IKZF5: variants seen among roughly 807,000 people sequenced by gnomAD.
The protein encoded by IKZF5 is zinc finger protein Pegasus.
IKZF5 carries 4 observed loss-of-function variants against 30.7 expected under a neutral mutation model. That is an observed-to-expected ratio of 0.13 (90% CI 0.06 to 0.30). The LOEUF is 0.30. IKZF5 is among the 10% of genes least tolerant of loss of function. The pLI is 1.00. For synonymous variants in IKZF5, 148 were observed against 179.6 expected, an observed-to-expected ratio of 0.82 and a Z score of 1.41; for missense variants, 348 against 525.5, an observed-to-expected ratio of 0.66 and a Z score of 3.30.
At chr10:123,002,783 G>A (rs796781331) in intron 2 of IKZF5, among the ~76,000 whole-genome samples, 47 of 127,858 alleles carry the variant, frequency 3.7e-4, no homozygotes, top group Non-Finnish European at 3.1e-4. Flanking sequence ...GCAAGACTCC[G>A]TCTAAAAAAA....
intron 3 of IKZF5, among the ~76,000 whole-genome samples, chr10:122,997,761 A>G (rs969818635): frequency 2.6e-5 from 4 of 152,254 alleles, no homozygotes; most frequent in Non-Finnish European, 5.9e-5. Context: ...AAATATGTAA[A>G]CAAATGAGCA....
chr10:123,000,082 G>A (rs913742807), intron 2 of IKZF5, among the ~76,000 whole-genome samples: 2 of 152,130 alleles, frequency 1.3e-5, no homozygotes, highest in Non-Finnish European at 2.9e-5. Flanking sequence ...TTGAAGTCTT[G>A]TACATATATA....
In IKZF5 at chr10:122,992,409, A is replaced by T. The variant is rs763091641; in HGVS notation, c.*1371T>A. On this transcript the variant is annotated 3_prime_UTR_variant, in exon 5 of 5. Transcript: ENST00000368886. Reference sequence around the variant, plus strand: ...ATTCAACATATGAACAAAATTAAAAATAGAATTTTTGCAAAGTACACAGAA... The same window carrying T: ...ATTCAACATATGAACAAAATTAAAATTAGAATTTTTGCAAAGTACACAGAA... 1 of 152,238 alleles carries T rather than the reference A, an allele frequency of 6.6e-6. No homozygotes were observed. Among genetic ancestry groups the T allele is most frequent in the African/African-American group, 2.4e-5 (1 of 41,470 alleles). The allele number at this position is 152,238 out of a possible 1,614,324, so 9.4% of individuals were successfully genotyped here. A position where few individuals can be genotyped will look rare whatever the true frequency, so the allele number is the denominator to read the frequency against.
Position 122,994,239 on chromosome 10 carries a change from G to C in IKZF5, c.801C>G (p.Pro267=), listed in dbSNP as rs563140698. ...TLAGQLSSLP[P]ENQNPASPDV... is the part of the protein sequence containing the mutation. Reference sequence around the variant, plus strand: ...CAGGGGATGCAGGGTTTTGGTTTTCGGGTGGCAGACTGGACAACTGCCCTG... The same window carrying C: ...CAGGGGATGCAGGGTTTTGGTTTTCCGGTGGCAGACTGGACAACTGCCCTG... The change falls in exon 5 of 5, where the codon CCC becomes CCG. Residue 267 remains proline, a synonymous_variant. Coordinates refer to ENST00000368886, the MANE Select transcript of IKZF5 (RefSeq NM_001372123.1). This position sits in a 1 kb window ranked among gnomAD's most constrained non-coding sequence, Gnocchi z 5.6. 2 of 1,614,052 alleles carry C rather than the reference G, an allele frequency of 1.2e-6. No homozygotes were observed. Among genetic ancestry groups the C allele is most frequent in the Non-Finnish European group, 8.5e-7 (1 of 1,180,018 alleles).
chr10:122,997,731 C>A (rs1021309123), intron 3 of IKZF5, among the ~76,000 whole-genome samples: 1 of 152,126 alleles, frequency 6.6e-6, no homozygotes, highest in Admixed American at 6.5e-5. Context: ...TTTAGCAAAA[C>A]AAACAAAAAC....
chr10:123,004,629 T>TAAAAAA (rs34085831), intron 2 of IKZF5, among the ~76,000 whole-genome samples: 2 of 145,894 alleles, frequency 1.4e-5, no homozygotes, highest in African/African-American at 2.5e-5. Flanking sequence ...ATGATAAACT[T>TAAAAAA]AAAAAAAAAA....
chr10:123,006,668 A>G (rs1295944427), intron 2 of IKZF5, among the ~76,000 whole-genome samples: 1 of 152,252 alleles, frequency 6.6e-6, no homozygotes, highest in Non-Finnish European at 1.5e-5. Flanking sequence ...ATACAATATT[A>G]GCAACTAATT....
Position 122,994,814 on chromosome 10 carries a change from A to G in IKZF5, c.317-91T>C. On this transcript the variant is annotated intron_variant, in intron 4 of 4. Coordinates refer to ENST00000368886, the MANE Select transcript of IKZF5 (RefSeq NM_001372123.1). This position sits in a 1 kb window ranked among gnomAD's most constrained non-coding sequence, Gnocchi z 5.6. ...CCATTCATTGGACAACTGGAAATTG[A>G]TCAAAAAGAAAATGCTTTCAGAAAG... The G allele has an allele frequency of 9.7e-7, 1 of 1,029,898 alleles. No individual in the cohort carries two copies. Among genetic ancestry groups the G allele is most frequent in the East Asian group, 2.4e-5 (1 of 41,030 alleles). The allele number at this position is 1,029,898 out of a possible 1,614,324, so 63.8% of individuals were successfully genotyped here. A position where few individuals can be genotyped will look rare whatever the true frequency, so the allele number is the denominator to read the frequency against.
At chr10:122,999,242 T>C (rs1052174580) in intron 2 of IKZF5, among the ~76,000 whole-genome samples, 2 of 152,230 alleles carry the variant, frequency 1.3e-5, no homozygotes, top group African/African-American at 4.8e-5. Context: ...CAGTTGCTAC[T>C]AGCCACATAT....
Position 122,993,699 on chromosome 10 carries a change from T to C in IKZF5, c.*81A>G, listed in dbSNP as rs1849247893. On this transcript the variant is annotated 3_prime_UTR_variant, in exon 5 of 5. Coordinates refer to ENST00000368886, the MANE Select transcript of IKZF5 (RefSeq NM_001372123.1). Reference sequence around the variant, plus strand: ...ATAAGCCTTGAATTAGCAGACACTTTATTAGGGATGACCAAAACAAAAAAC... The same window carrying C: ...ATAAGCCTTGAATTAGCAGACACTTCATTAGGGATGACCAAAACAAAAAAC... 2 of 849,704 alleles carry C rather than the reference T, an allele frequency of 2.4e-6. No homozygotes were observed. The highest frequency in any genetic ancestry group is 1.7e-5 in the African/African-American group (1 of 58,792). 52.6% of individuals were successfully genotyped at this position (849,704 alleles called of 1,614,324 possible). A position where few individuals can be genotyped will look rare whatever the true frequency, so the allele number is the denominator to read the frequency against.
rs955352936 is a variant in IKZF5, at chr10:122,993,724, C to CA, written c.*55dup. 119 of 1,286,722 alleles carry CA rather than the reference C, an allele frequency of 9.2e-5. No homozygotes were observed. The highest frequency in any genetic ancestry group is 1.1e-4 in the Non-Finnish European group (101 of 928,218). 79.7% of individuals were successfully genotyped at this position (1,286,722 alleles called of 1,614,324 possible). On this transcript the variant is annotated 3_prime_UTR_variant, in exon 5 of 5. Coordinates refer to ENST00000368886, the MANE Select transcript of IKZF5 (RefSeq NM_001372123.1). ...TATTAGGGATGACCAAAACAAAAAA[C>CA]AAAAAAAACCAAACCACAAAAACAG...
chr10:123,008,342 G>C (rs1849897098), intron 1 of IKZF5, among the ~76,000 whole-genome samples: 1 of 152,100 alleles, frequency 6.6e-6, no homozygotes, highest in East Asian at 1.9e-4. Flanking sequence ...CAGCCCCTGG[G>C]ACCCCGTGAA....
intron 2 of IKZF5, among the ~76,000 whole-genome samples, chr10:123,005,598 A>G (rs1849751090): frequency 6.6e-6 from 1 of 152,226 alleles, no homozygotes; most frequent in Non-Finnish European, 1.5e-5. Context: ...TATGTCCCCA[A>G]AAGCTGATAT....
intron 2 of IKZF5, among the ~76,000 whole-genome samples, chr10:123,003,377 T>A (rs74494156): frequency 0.031 from 4,713 of 152,212 alleles, 106 homozygotes; most frequent in African/African-American, 0.047. Context: ...ATGCAAATAC[T>A]AAGCCATTTT....
intron 1 of IKZF5, among the ~76,000 whole-genome samples, chr10:123,007,457 T>C (rs898210578): frequency 6.6e-5 from 10 of 152,226 alleles, no homozygotes. Flanking sequence ...TAAACTTCAG[T>C]TTAAAGAAAT....
intron 2 of IKZF5, among the ~76,000 whole-genome samples, chr10:123,004,036 AC>A (rs1412142977): frequency 6.6e-6 from 1 of 150,538 alleles, no homozygotes; most frequent in Non-Finnish European, 1.5e-5. Flanking sequence ...TCATTGTGTT[AC>A]TATTTGTTTT....
At chr10:122,995,364 T>A (rs1489622878) in intron 4 of IKZF5, among the ~76,000 whole-genome samples, 1 of 152,196 alleles carries the variant, frequency 6.6e-6, no homozygotes, top group African/African-American at 2.4e-5. Context: ...GAATATGAGA[T>A]TTAGAGTCAT....
Position 122,994,335 on chromosome 10 carries a change from T to G in IKZF5, c.705A>C (p.Pro235=), listed in dbSNP as rs970476773. 4 of 1,614,042 alleles carry G rather than the reference T, an allele frequency of 2.5e-6. No individual in the cohort carries two copies. Among genetic ancestry groups the G allele is most frequent in the Non-Finnish European group, 2.5e-6 (3 of 1,179,992 alleles). The change falls in exon 5 of 5, where the codon CCA becomes CCC. Residue 235 remains proline (P), a synonymous_variant. Transcript: ENST00000368886. This position sits in a 1 kb window ranked among gnomAD's most constrained non-coding sequence, Gnocchi z 5.6. ...GGGGGTCCCTTGGAAGGCCACCAGT[T>G]GGTGTGGTTTTTGCCATACTTTCAT... ...DSYESMAKTT[P]TGGLPRDPQE...
rs1034743402 is a variant in IKZF5, at chr10:122,993,641, C to T, written c.*139G>A. 3 of 525,684 alleles carry T rather than the reference C, an allele frequency of 5.7e-6. No homozygotes were observed. In the African/African-American group the frequency reaches 5.9e-5, roughly 10 times the overall value. The allele number at this position is 525,684 out of a possible 1,614,324, so 32.6% of individuals were successfully genotyped here. On this transcript the variant is annotated 3_prime_UTR_variant, in exon 5 of 5. Coordinates refer to ENST00000368886, the MANE Select transcript of IKZF5 (RefSeq NM_001372123.1). ...ATGAAAAAAAGGGGAAATTTTATTC[C>T]ACTGACAAATTTATATTCTATAAAT...
Sources: allele counts gnomAD v4.1 joint callset (sites outside exome capture counted in the v4.1 genomes callset), GRCh38; gene constraint gnomAD v4.1.1; non-coding constraint Gnocchi (gnomAD v3.1); transcripts MANE v1.5; gene names NCBI Gene and HGNC (gene_info 2026-07-23, HGNC 2026-07-21).